Variants in AAK1 observed in about 807,000 individuals in gnomAD.
AAK1 encodes the protein AP2-associated protein kinase 1.
In AAK1, 37 loss-of-function variants were observed where a neutral mutation model predicts 116.0. The observed-to-expected ratio is 0.32, with a 90% CI of 0.25 to 0.42. AAK1 has a LOEUF of 0.42. Among genes scored for constraint, AAK1 ranks in the 10% least tolerant of loss-of-function variants. The pLI is 1.00. For missense variants in AAK1, 919 were observed against 1,170.6 expected, an observed-to-expected ratio of 0.79 and a Z score of 3.14; for synonymous variants, 458 against 439.9, an observed-to-expected ratio of 1.04 and a Z score of -0.51.
chr2:69,567,338 C>T (rs1385851089), intron 2 of AAK1, among the ~76,000 whole-genome samples: 3 of 152,176 alleles, frequency 2.0e-5, no homozygotes, highest in Non-Finnish European at 4.4e-5. Flanking sequence ...ACACAGCACC[C>T]TCTACTTTCC....
Position 69,643,676 on chromosome 2 carries a change from A to G in AAK1, c.-336T>C. Reference sequence around the variant, plus strand: ...AGAGAAGAGGCGGCGCTGCAGCGAGAGCCGGGGCCGCGCTCGGCTCCCGCC... The same window carrying G: ...AGAGAAGAGGCGGCGCTGCAGCGAGGGCCGGGGCCGCGCTCGGCTCCCGCC... On this transcript the variant is annotated 5_prime_UTR_variant, in exon 1 of 22. Transcript: ENST00000409085. 1.6e-6 allele frequency: 2 copies of G among 1,223,936 alleles called. No individual in the cohort carries two copies. Among genetic ancestry groups the G allele is most frequent in the Non-Finnish European group, 2.0e-6 (2 of 982,976 alleles). 75.8% of individuals were successfully genotyped at this position (1,223,936 alleles called of 1,614,324 possible).
chr2:69,466,313 A>C lies in AAK1; in HGVS notation c.*9556T>G. On this transcript the variant is annotated 3_prime_UTR_variant, in exon 22 of 22. Coordinates refer to ENST00000409085, the MANE Select transcript of AAK1 (RefSeq NM_014911.5). ...CTTCAGACTCCATAAGGAGAGGCCG[A>C]GACCCACTGCAGTCCAGCATGTCTC... The C allele has an allele frequency of 7.8e-7, 1 of 1,289,788 alleles. No individual in the cohort carries two copies. Among genetic ancestry groups the C allele is most frequent in the Non-Finnish European group, 1.0e-6 (1 of 988,870 alleles). 79.9% of individuals were successfully genotyped at this position (1,289,788 alleles called of 1,614,324 possible). A position where few individuals can be genotyped will look rare whatever the true frequency, so the allele number is the denominator to read the frequency against.
At chr2:69,482,835 AAG>A in intron 17 of AAK1, 23 bp from the exon 18 acceptor site, 1 of 1,484,718 alleles carries the variant, frequency 6.7e-7, no homozygotes, top group South Asian at 1.1e-5. Flanking sequence ...GAGAGACAAA[AAG>A]AAAGCAAAAA....
At chr2:69,585,221 T>C (rs1024643407) in intron 2 of AAK1, among the ~76,000 whole-genome samples, 3 of 152,186 alleles carry the variant, frequency 2.0e-5, no homozygotes, top group African/African-American at 7.2e-5. Context: ...ATAAGAGATA[T>C]TCTTTTTTAA....
At chr2:69,599,924 T>G (rs373113594) in intron 2 of AAK1, among the ~76,000 whole-genome samples, 2 of 151,772 alleles carry the variant, frequency 1.3e-5, no homozygotes, top group East Asian at 1.9e-4. Flanking sequence ...ACTACAAGTG[T>G]ATGCCACCAT....
At chr2:69,476,850 C>T (rs2104884764) in intron 21 of AAK1, 30 bp downstream of exon 21, 3 of 1,541,472 alleles carry the variant, frequency 1.9e-6, no homozygotes, top group South Asian at 1.1e-5. Context: ...TGAGGCCAAG[C>T]TCTTCTCTTT....
At chr2:69,549,387 A>C (rs1280687639) in intron 3 of AAK1, among the ~76,000 whole-genome samples, 1 of 152,204 alleles carries the variant, frequency 6.6e-6, no homozygotes, top group Admixed American at 6.5e-5. Context: ...ATAAATAAAA[A>C]GTAAAATATA....
In AAK1 at chr2:69,643,226, C is replaced by G; in HGVS notation, c.-186G>C. On this transcript the variant is annotated 5_prime_UTR_variant, in exon 2 of 22. Transcript: ENST00000409085. ...CCTATAGGAATATGCGTGTCAATCGCGCAGCGGGTCCCCTCCTCCTCCAGA... is the reference window on the plus strand; with the variant it reads ...CCTATAGGAATATGCGTGTCAATCGGGCAGCGGGTCCCCTCCTCCTCCAGA... 1 of 1,407,638 alleles carries G rather than the reference C, an allele frequency of 7.1e-7. No homozygotes were observed. The highest frequency in any genetic ancestry group is 9.2e-7 in the Non-Finnish European group (1 of 1,088,278). The allele number at this position is 1,407,638 out of a possible 1,614,324, so 87.2% of individuals were successfully genotyped here.
intron 2 of AAK1, among the ~76,000 whole-genome samples, chr2:69,628,717 T>C (rs1675026244): frequency 6.6e-6 from 1 of 152,202 alleles, no homozygotes; most frequent in African/African-American, 2.4e-5. Flanking sequence ...AAAGGAATAC[T>C]TCATCTTCTG....
At chr2:69,594,625 T>G (rs1282706210) in intron 2 of AAK1, 2 of 521,598 alleles carry the variant, frequency 3.8e-6, no homozygotes, top group Non-Finnish European at 6.9e-6. Context: ...TGAGGCCTCT[T>G]GTACCAAACA....
chr2:69,538,558 C>A (rs1473428523), intron 5 of AAK1, among the ~76,000 whole-genome samples: 3 of 152,218 alleles, frequency 2.0e-5, no homozygotes, highest in African/African-American at 7.2e-5. Context: ...ATCATTCAGG[C>A]TTCATTTAAT....
At chr2:69,617,549 C>G (rs998901982) in intron 2 of AAK1, among the ~76,000 whole-genome samples, 2 of 152,170 alleles carry the variant, frequency 1.3e-5, no homozygotes, top group African/African-American at 4.8e-5. Flanking sequence ...CCTAACCATA[C>G]CCTCAAGGAG....
intron 11 of AAK1, 35 bp downstream of exon 11, chr2:69,520,799 G>A: frequency 1.3e-6 from 2 of 1,522,816 alleles, no homozygotes; most frequent in East Asian, 2.3e-5. Flanking sequence ...ATAACAAAGA[G>A]GTGTATTGAG....
Position 69,527,447 on chromosome 2 carries a change from T to G in AAK1, c.872-128A>C, listed in dbSNP as rs1670072287. 3 of 630,582 alleles carry G rather than the reference T, an allele frequency of 4.8e-6. No individual in the cohort carries two copies. The African/African-American group carries it at 5.5e-5, about 12-fold the overall frequency. The allele number at this position is 630,582 out of a possible 1,614,324, so 39.1% of individuals were successfully genotyped here. A position where few individuals can be genotyped will look rare whatever the true frequency, so the allele number is the denominator to read the frequency against. On this transcript the variant is annotated intron_variant, in intron 8 of 21. Transcript: ENST00000409085. ...TTTATTTTTCATAGAAGTCAGACAGTATAATTATCCCCTTTTCTCTCCCTT... is the reference window on the plus strand; with the variant it reads ...TTTATTTTTCATAGAAGTCAGACAGGATAATTATCCCCTTTTCTCTCCCTT...
chr2:69,484,200 T>A (rs1056201709), intron 17 of AAK1, among the ~76,000 whole-genome samples: 2 of 152,212 alleles, frequency 1.3e-5, no homozygotes, highest in African/African-American at 4.8e-5. Context: ...GTAATAAATC[T>A]GTATTCTTCT....
At position 69,615,500 on chromosome 2, in the gene AAK1, G is replaced by A. The variant is rs140203719; in HGVS notation, c.163+27378C>T. Among the ~76,000 whole-genome samples the A allele has an allele frequency of 5.8e-4, 88 of 152,302 alleles. 2 individuals are homozygous for A. The highest frequency in any genetic ancestry group is 1.4e-3 in the Admixed American group (21 of 15,292). ...GAGTTTCTAGAAGAACCTGAAACAC[G>A]GGATTTCCTGGGAGGACCTCCCCAA... On this transcript the variant is annotated intron_variant, in intron 2 of 21. Coordinates refer to ENST00000409085, the MANE Select transcript of AAK1 (RefSeq NM_014911.5).
chr2:69,556,391 A>G (rs568531167), intron 3 of AAK1, among the ~76,000 whole-genome samples: 1 of 152,208 alleles, frequency 6.6e-6, no homozygotes, highest in Admixed American at 6.5e-5. Flanking sequence ...AAAGGGGGAA[A>G]GCATTCCAGG....
intron 2 of AAK1, among the ~76,000 whole-genome samples, chr2:69,609,816 G>A (rs1472217571): frequency 4.6e-5 from 7 of 152,062 alleles, no homozygotes; most frequent in Non-Finnish European, 5.9e-5. Flanking sequence ...TTAGGAGGCC[G>A]AGGTGGGTGG....
In AAK1 at chr2:69,514,718, G is replaced by A. The variant is rs760881749; in HGVS notation, c.1529C>T (p.Pro510Leu). The change falls in exon 13 of 22, where the codon CCA (proline) becomes CTA (leucine). Residue 510 changes from proline (P) to leucine (L), a missense_variant. Around this residue, in one of 4 missense-constraint regions of AAK1, gnomAD observed 214 missense variants for 210.6 expected, o/e 1.02. Transcript: ENST00000409085. ...FQAVHPATQK[P>L]AIAQFPVVSQ... ...CACCACAGGGAACTGAGCAATTGCT[G>A]GTTTCTGGGTTGCTGGATGTACTGC... is the stretch of plus-strand genomic sequence containing the variant. 6.2e-7 allele frequency: 1 copy of A among 1,606,256 alleles called. No homozygotes were observed. Among genetic ancestry groups the A allele is most frequent in the Non-Finnish European group, 8.5e-7 (1 of 1,174,942 alleles).
Sources: gnomAD v4.1 joint callset for allele counts (sites outside exome capture counted in the v4.1 genomes callset) on GRCh38, gnomAD v4.1.1 for gene constraint, gnomAD v4.1.1 regional missense constraint, MANE v1.5 for transcripts, NCBI Gene and HGNC (gene_info 2026-07-23, HGNC 2026-07-21) for gene names.